The following TSHR variants were observed in gnomAD, a reference collection of about 807,000 sequenced individuals.
TSHR encodes thyroid stimulating hormone receptor.
In TSHR, 51 loss-of-function variants were observed where a neutral mutation model predicts 64.1. The ratio of observed to expected loss-of-function variants is 0.80; its 90% confidence interval spans 0.64 to 1.01. The LOEUF (loss-of-function observed/expected upper bound fraction) is 1.01. Ranked by LOEUF, TSHR falls within the 50% of genes least tolerant of loss-of-function variation. The probability of loss-of-function intolerance (pLI) is 0.00; values close to 1 mark genes in which losing one functional copy is unlikely to be tolerated. For synonymous variants in TSHR, 361 were observed against 361.9 expected (o/e 1.00, Z 0.03); for missense variants, 877 against 942.8 (o/e 0.93, Z 0.91).
At chr14:81,059,129 T>A (rs1281931884) in intron 1 of TSHR, among the ~76,000 whole-genome samples, 1 of 152,118 alleles carries the variant, frequency 6.6e-6, no homozygotes, top group East Asian at 1.9e-4. Flanking sequence ...TATTGTAAGG[T>A]TGAACTATTA....
At chr14:81,084,935 T>G (rs1888176102) in intron 3 of TSHR, among the ~76,000 whole-genome samples, 1 of 152,204 alleles carries the variant, frequency 6.6e-6, no homozygotes, top group Non-Finnish European at 1.5e-5. Flanking sequence ...CTAGTTGCAT[T>G]TGCTTCTTAT....
intron 1 of TSHR, among the ~76,000 whole-genome samples, chr14:81,055,588 G>A (rs533148074): frequency 6.6e-6 from 1 of 152,280 alleles, no homozygotes; most frequent in South Asian, 2.1e-4. Flanking sequence ...CCAACACCAT[G>A]GGAACTCAAC....
chr14:81,063,406 G>A (rs1886378742), intron 2 of TSHR, among the ~76,000 whole-genome samples: 1 of 152,032 alleles, frequency 6.6e-6, no homozygotes, highest in South Asian at 2.1e-4. Flanking sequence ...TCCTAATACA[G>A]CTAATTTCCA....
At chr14:81,053,882 T>C (rs1277422609) in intron 1 of TSHR, 2 of 152,226 alleles carry the variant, frequency 1.3e-5, no homozygotes, top group Non-Finnish European at 2.9e-5. Context: ...ATACATGTAA[T>C]AACATAGATT....
chr14:80,963,297 C>T (rs1271290315), intron 1 of TSHR, among the ~76,000 whole-genome samples: 2 of 152,146 alleles, frequency 1.3e-5, no homozygotes, highest in African/African-American at 4.8e-5. Context: ...TGATCTTCAT[C>T]CCCTAATGAA....
At chr14:81,134,480 T>TA (rs34722217) in intron 8 of TSHR, among the ~76,000 whole-genome samples, 52,480 of 152,002 alleles carry the variant, frequency 0.35, 9,823 homozygotes, top group East Asian at 0.7. Flanking sequence ...AAAGTGCTCT[T>TA]AAAAAATCTA....
intron 9 of TSHR, among the ~76,000 whole-genome samples, chr14:81,141,691 T>C (rs1280005557): frequency 1.3e-5 from 2 of 152,092 alleles, no homozygotes; most frequent in African/African-American, 2.4e-5. Flanking sequence ...GGCGGATCAC[T>C]TGAGGTCAAG....
At chr14:80,991,590 AAC>A (rs552278301) in intron 1 of TSHR, 35 of 398,510 alleles carry the variant, frequency 8.8e-5, no homozygotes, top group Non-Finnish European at 1.4e-4. Context: ...GATAAAATTC[AAC>A]ATTGAAGGAG....
chr14:80,994,360 C>T (rs1888895937), intron 1 of TSHR: 1 of 151,236 alleles, frequency 6.6e-6, no homozygotes, highest in Non-Finnish European at 1.5e-5. Context: ...CTTCACAGAA[C>T]TAGTGAAAAA....
chr14:81,067,190 A>G (rs1212067071), intron 2 of TSHR, among the ~76,000 whole-genome samples: 4 of 152,128 alleles, frequency 2.6e-5, no homozygotes, highest in Admixed American at 1.3e-4. Context: ...CTTTGAAACT[A>G]CATGTCTAAT....
In TSHR at chr14:81,074,564, C is replaced by T. The variant is rs192977399; in HGVS notation, c.317+6236C>T. 2.6e-3 allele frequency among the ~76,000 whole-genome samples: 389 copies of T among 152,226 alleles called. 7 individuals carry two copies. In the Middle Eastern group the frequency reaches 0.027, roughly 11 times the overall value. Reference sequence around the variant, plus strand: ...ATATAAGTACCATCAACCAAACGTTCCTGGGATTCCTCAGTATAGAATTAA... The same window carrying T: ...ATATAAGTACCATCAACCAAACGTTTCTGGGATTCCTCAGTATAGAATTAA... On this transcript the variant is annotated intron_variant, in intron 3 of 9. Coordinates refer to ENST00000298171, the MANE Select transcript of TSHR (RefSeq NM_000369.5).
At chr14:81,128,282 T>G (rs891963080) in intron 8 of TSHR, among the ~76,000 whole-genome samples, 7 of 152,164 alleles carry the variant, frequency 4.6e-5, no homozygotes, top group African/African-American at 1.2e-4. Context: ...CAATAGAAAG[T>G]ATTCTTATTC....
At chr14:81,129,835 G>A (rs917508489) in intron 8 of TSHR, among the ~76,000 whole-genome samples, 18 of 152,200 alleles carry the variant, frequency 1.2e-4, no homozygotes, top group Admixed American at 1.0e-3. Flanking sequence ...AGATCCCATC[G>A]CCTCTCAAAA....
chr14:80,982,641 T>G, intron 1 of TSHR: 1 of 1,091,626 alleles, frequency 9.2e-7, no homozygotes, highest in Non-Finnish European at 1.2e-6. Flanking sequence ...TGGTCTGAGG[T>G]AACTATCTGG....
chr14:80,957,397 T>C (rs1006330293), intron 1 of TSHR, among the ~76,000 whole-genome samples: 1 of 151,762 alleles, frequency 6.6e-6, no homozygotes, highest in Non-Finnish European at 1.5e-5. Context: ...CAAGCTTCTC[T>C]AACATAGGGA....
chr14:81,084,106 A>G (rs1888109809), intron 3 of TSHR, among the ~76,000 whole-genome samples: 1 of 152,196 alleles, frequency 6.6e-6, no homozygotes, highest in Non-Finnish European at 1.5e-5. Flanking sequence ...AACTGGGGTT[A>G]CAATTCAAGA....
At chr14:80,976,377 C>T in intron 1 of TSHR, among the ~76,000 whole-genome samples, 1 of 152,158 alleles carries the variant, frequency 6.6e-6, no homozygotes, top group Admixed American at 6.5e-5. Flanking sequence ...CCTGTTGCAG[C>T]GGTTGGTCTG....
intron 1 of TSHR, among the ~76,000 whole-genome samples, chr14:81,016,662 T>C (rs1883428787): frequency 6.6e-6 from 1 of 152,204 alleles, no homozygotes. Context: ...TTGCCTGTGC[T>C]TTGGGGGTCA....
At chr14:80,982,184 C>T (rs975652629) in intron 1 of TSHR, 3 of 587,724 alleles carry the variant, frequency 5.1e-6, no homozygotes, top group Admixed American at 2.4e-5. Context: ...AGAACAAGGT[C>T]GGTGCTGAGA....
Sources: allele counts gnomAD v4.1 joint callset (sites outside exome capture counted in the v4.1 genomes callset), GRCh38; gene constraint gnomAD v4.1.1; transcripts MANE v1.5; gene names NCBI Gene and HGNC (gene_info 2026-07-23, HGNC 2026-07-21).